Variants in KAZN observed in about 807,000 individuals in gnomAD.
KAZN encodes the protein kazrin.
In KAZN, 40 loss-of-function variants were observed where a neutral mutation model predicts 87.4. The observed-to-expected ratio is 0.46, with a 90% CI of 0.36 to 0.60. The LOEUF (loss-of-function observed/expected upper bound fraction) is 0.60, where lower values mean the gene tolerates loss of function less well. Among genes scored for constraint, KAZN ranks in the 20% least tolerant of loss-of-function variants. The pLI, the probability that KAZN is intolerant of heterozygous loss-of-function variation, is 0.00. For synonymous variants in KAZN, 466 were observed against 458.3 expected (o/e 1.02, Z -0.22); for missense variants, 898 against 1,073.9 (o/e 0.84, Z 2.29).
rs1571186892 is a variant in KAZN at position 14,268,968 on chromosome 1, A to C, written c.249+88376A>C. Among the ~76,000 whole-genome samples, 5 of 152,346 alleles carry C rather than the reference A, an allele frequency of 3.3e-5. 1 individual carries two copies. The South Asian group carries it at 1.0e-3, about 32-fold the overall frequency. ...GTGCTGGGAGCAAATGAAAGTTTTT[A>C]ATGTCTTTCAATATGTTTGAGTACA... On this transcript the variant is annotated intron_variant, in intron 2 of 16. Transcript: ENST00000636203.
chr1:14,226,902 T>C (rs1436306312), intron 2 of KAZN, among the ~76,000 whole-genome samples: 1 of 152,036 alleles, frequency 6.6e-6, no homozygotes, highest in African/African-American at 2.4e-5. Flanking sequence ...TACTTGAGGG[T>C]GGACAGTGGG....
At chr1:14,797,828 G>C (rs1645876934) in intron 1 of KAZN, among the ~76,000 whole-genome samples, 1 of 152,162 alleles carries the variant, frequency 6.6e-6, no homozygotes, top group Non-Finnish European at 1.5e-5. Flanking sequence ...TAGCCGTGAG[G>C]ATTCAATGAA....
At chr1:15,101,811 T>C in intron 11 of KAZN, 37 bp downstream of exon 11, 3 of 1,367,982 alleles carry the variant, frequency 2.2e-6, no homozygotes, top group Middle Eastern at 1.9e-4. Flanking sequence ...CACCTTCCAC[T>C]GCCCACCCCT....
chr1:13,947,914 G>A (rs934643571), intron 1 of KAZN, among the ~76,000 whole-genome samples: 9 of 152,080 alleles, frequency 5.9e-5, no homozygotes, highest in Non-Finnish European at 8.8e-5. Flanking sequence ...AAACACAGTC[G>A]CACTCTGAGT....
At chr1:14,023,587 T>C (rs10927996) in intron 1 of KAZN, among the ~76,000 whole-genome samples, 71,828 of 151,922 alleles carry the variant, frequency 0.47, 18,028 homozygotes, top group Admixed American at 0.61. Flanking sequence ...CTTCCTTGGG[T>C]GGACATTGAC....
At chr1:15,093,161 G>T (rs867923037) in intron 8 of KAZN, among the ~76,000 whole-genome samples, 3 of 152,106 alleles carry the variant, frequency 2.0e-5, no homozygotes, top group Non-Finnish European at 4.4e-5. Flanking sequence ...GGTACCGCAG[G>T]TCTCTGTGGA....
At chr1:14,361,853 G>A (rs115586150) in intron 2 of KAZN, among the ~76,000 whole-genome samples, 3,811 of 152,308 alleles carry the variant, frequency 0.025, 70 homozygotes, top group Non-Finnish European at 0.04. Flanking sequence ...TCATTTACCC[G>A]TGATTACTGT....
At chr1:14,972,904 G>A (rs1003140991) in intron 2 of KAZN, among the ~76,000 whole-genome samples, 2 of 152,070 alleles carry the variant, frequency 1.3e-5, no homozygotes, top group Non-Finnish European at 2.9e-5. Context: ...ACACAGGAGA[G>A]GGGGTGTGGG....
chr1:14,438,411 G>A (rs1292156596), intron 2 of KAZN, among the ~76,000 whole-genome samples: 1 of 152,220 alleles, frequency 6.6e-6, no homozygotes, highest in African/African-American at 2.4e-5. Context: ...AATCTTAGTG[G>A]AAAAGAGAGG....
chr1:14,351,160 A>C (rs1260418863), intron 2 of KAZN: 1 of 152,188 alleles, frequency 6.6e-6, no homozygotes, highest in East Asian at 1.9e-4. Flanking sequence ...TTCTCATCGA[A>C]TCTCTGGCTT....
chr1:14,238,364 G>C (rs923054736), intron 2 of KAZN, among the ~76,000 whole-genome samples: 17 of 152,174 alleles, frequency 1.1e-4, no homozygotes, highest in African/African-American at 4.1e-4. Context: ...CACTGTCTGG[G>C]TGTCCTCTCC....
chr1:14,063,214 A>G (rs1198857338), intron 1 of KAZN, among the ~76,000 whole-genome samples: 2 of 152,244 alleles, frequency 1.3e-5, no homozygotes, highest in African/African-American at 2.4e-5. Flanking sequence ...TTGATGCCCT[A>G]TGGAAGACAG....
rs74534879 is a variant in KAZN, at chr1:14,624,743, G to C, written c.226+25520G>C. Reference sequence around the variant, plus strand: ...AGTGTGCCAAGTCATGGCTGAACACGACCTGGTCACTATCTGCAAAGAGTT... The same window carrying C: ...AGTGTGCCAAGTCATGGCTGAACACCACCTGGTCACTATCTGCAAAGAGTT... On this transcript the variant is annotated intron_variant, in intron 1 of 14. Transcript: ENST00000376030. 1.6e-3 allele frequency among the ~76,000 whole-genome samples: 244 copies of C among 152,288 alleles called. No homozygotes were observed. In the East Asian group the frequency reaches 0.024, roughly 15 times the overall value.
At chr1:14,995,537 C>T (rs889440520) in intron 2 of KAZN, among the ~76,000 whole-genome samples, 6 of 151,898 alleles carry the variant, frequency 4.0e-5, no homozygotes, top group South Asian at 2.1e-4. Flanking sequence ...GCAGGAGAAT[C>T]GTTTGAAACC....
intron 2 of KAZN, among the ~76,000 whole-genome samples, chr1:14,281,737 T>C (rs1242396095): frequency 6.6e-6 from 1 of 152,224 alleles, no homozygotes; most frequent in East Asian, 1.9e-4. Flanking sequence ...AGTACAGAAC[T>C]TGGCATAGAG....
In KAZN at chr1:13,928,335, C is replaced by T. The variant is rs143979226; in HGVS notation, c.91+34579C>T. 2.3e-3 allele frequency among the ~76,000 whole-genome samples: 347 copies of T among 152,304 alleles called. 2 individuals carry two copies. The highest frequency in any genetic ancestry group is 8.0e-3 in the African/African-American group (334 of 41,560). ...ACAGTGGTGACATTGATGATGACAA[C>T]TGTAACCATAGTAACAGCTTCTCTG... On this transcript the variant is annotated intron_variant, in intron 1 of 16. Coordinates refer to the KAZN transcript ENST00000636203.
chr1:14,871,419 T>C (rs1652113465), intron 1 of KAZN, among the ~76,000 whole-genome samples: 1 of 152,012 alleles, frequency 6.6e-6, no homozygotes, highest in Non-Finnish European at 1.5e-5. Flanking sequence ...AGGATGGGCT[T>C]CCTCTTCGAA....
At chr1:13,973,045 C>G (rs1438141067) in intron 1 of KAZN, among the ~76,000 whole-genome samples, 1 of 152,154 alleles carries the variant, frequency 6.6e-6, no homozygotes, top group African/African-American at 2.4e-5. Flanking sequence ...CATTTTCCCT[C>G]CACCTTTTCC....
At chr1:13,985,034 C>T (rs929801139) in intron 1 of KAZN, among the ~76,000 whole-genome samples, 1 of 151,894 alleles carries the variant, frequency 6.6e-6, no homozygotes, top group African/African-American at 2.4e-5. Context: ...TTAGCAGCAG[C>T]ATGTATAAAA....
Sources: allele counts gnomAD v4.1 joint callset (sites outside exome capture counted in the v4.1 genomes callset), GRCh38; gene constraint gnomAD v4.1.1; transcripts MANE v1.5; gene names NCBI Gene and HGNC (gene_info 2026-07-23, HGNC 2026-07-21).